ISL2: variants seen among roughly 807,000 people sequenced by gnomAD.
ISL2 encodes the protein ISL LIM homeobox 2, also known as insulin gene enhancer protein ISL-2.
ISL2 carries 17 observed loss-of-function variants against 34.6 expected under a neutral mutation model. The ratio of observed to expected loss-of-function variants is 0.49; its 90% CI spans 0.34 to 0.74. The LOEUF is 0.74. Among genes scored for constraint, ISL2 ranks in the 30% least tolerant of loss-of-function variants. The pLI, the probability that ISL2 is intolerant of heterozygous loss-of-function variation, is 0.01. For synonymous variants in ISL2, 232 were observed against 225.5 expected (o/e 1.03, Z -0.26); for missense variants, 469 against 515.2 (o/e 0.91, Z 0.87).
Position 76,341,141 on chromosome 15 carries a change from A to G in ISL2, c.803A>G (p.Gln268Arg), listed in dbSNP as rs1299245053. ...CTTCTGCTTGCCCCGCAGAGCCTTC[A>G]GGGACTGACTGGGACGCCCCTGGTG... Reference protein sequence around the residue: ...QQQHSDKTSLQGLTGTPLVAG... With the variant: ...QQQHSDKTSLRGLTGTPLVAG... The change falls in exon 5 of 6, where the codon CAG (glutamine) becomes CGG (arginine). Residue 268 changes from glutamine (Q) to arginine (R), a missense_variant. Coordinates refer to ENST00000290759, the MANE Select transcript of ISL2 (RefSeq NM_145805.3). 2 of 1,604,484 alleles carry G rather than the reference A, an allele frequency of 1.2e-6. No individual in the cohort carries two copies. The highest frequency in any genetic ancestry group is 2.2e-5 in the South Asian group (2 of 90,128).
chr15:76,338,644 T>A, intron 3 of ISL2, 130 bp downstream of exon 3: 1 of 1,232,084 alleles, frequency 8.1e-7, no homozygotes, highest in Non-Finnish European at 1.0e-6. Flanking sequence ...AGTGTTTTTC[T>A]GTATCAGTGC....
At chr15:76,339,713 G>T (rs1310193174) in intron 3 of ISL2, 1 of 985,800 alleles carries the variant, frequency 1.0e-6, no homozygotes, top group Non-Finnish European at 1.2e-6. Flanking sequence ...AAGCCCTGGA[G>T]GCCCGTCCAT....
chr15:76,339,731 G>T, intron 3 of ISL2: 2 of 986,600 alleles, frequency 2.0e-6, no homozygotes, highest in Non-Finnish European at 2.4e-6. Context: ...CATAACCGTG[G>T]ATGAGTCTTC....
Position 76,338,027 on chromosome 15 carries a change from G to C in ISL2, c.248+60G>C, listed in dbSNP as rs1327518804. The C allele has an allele frequency of 6.5e-6, 9 of 1,390,554 alleles. No homozygotes were observed. In the Admixed American group the frequency reaches 2.7e-4, roughly 42 times the overall value. 86.1% of individuals were successfully genotyped at this position (1,390,554 alleles called of 1,614,324 possible). On this transcript the variant is annotated intron_variant, in intron 2 of 5. Coordinates refer to ENST00000290759, the MANE Select transcript of ISL2 (RefSeq NM_145805.3). ...GCGCAGGGGCCGGGGCCGGGACTGG[G>C]GATGGCGGCCTGCCCGCGCGCCCCG...
chr15:76,341,226 G>A lies in ISL2; in HGVS notation c.888G>A (p.Thr296=), dbSNP rs769228772. 5.8e-5 allele frequency: 94 copies of A among 1,611,638 alleles called. 1 individual carries two copies. In the Admixed American group the frequency reaches 1.6e-3, roughly 27 times the overall value. ...AGGGCAGCGCAGTGGAGGTGCAGAC[G>A]TACCAGCCGCCGTGGAAGGCGCTCA... The part of the protein sequence containing the change: ...AVQGSAVEVQ[T]YQPPWKALSE... Residue 296 remains threonine (T), a synonymous_variant, in exon 5 of 6, where the codon ACG becomes ACA. Coordinates refer to ENST00000290759, the MANE Select transcript of ISL2 (RefSeq NM_145805.3).
At chr15:76,341,641 G>A (rs1479903478) in intron 5 of ISL2, 78 bp from the exon 6 acceptor site, 2 of 1,132,528 alleles carry the variant, frequency 1.8e-6, no homozygotes, top group South Asian at 2.5e-5. Flanking sequence ...GACACTTTCC[G>A]ACTCGGAGCA....
chr15:76,339,332 G>A, intron 3 of ISL2: 4 of 984,242 alleles, frequency 4.1e-6, no homozygotes, highest in Non-Finnish European at 4.8e-6. Flanking sequence ...GGCTGGATGG[G>A]CTATTTGTAA....
At chr15:76,340,010 C>T in intron 3 of ISL2, 1 of 1,294,518 alleles carries the variant, frequency 7.7e-7, no homozygotes, top group Non-Finnish European at 9.8e-7. Context: ...CCCGCAGCGG[C>T]CTGTCGCCGA....
chr15:76,338,487 C>A lies in ISL2; in HGVS notation c.484C>A (p.Pro162Thr). ...CAGCCCGCGCAGCCCCGGCCCGCTTCCCGGCGCCCGCGGCCTGCATCTGCC... is the reference window on the plus strand; with the variant it reads ...CAGCCCGCGCAGCCCCGGCCCGCTTACCGGCGCCCGCGGCCTGCATCTGCC... ...AGSPRSPGPL[P>T]GARGLHLPDA... Residue 162 changes from proline (P) to threonine (T), a missense_variant, in exon 3 of 6, where the codon CCC becomes ACC. This residue lies in a region of ISL2 where 297 missense variants were observed against 337.8 expected (regional missense o/e 0.88). Coordinates refer to ENST00000290759, the MANE Select transcript of ISL2 (RefSeq NM_145805.3). 7.6e-7 allele frequency: 1 copy of A among 1,321,302 alleles called. No individual in the cohort carries two copies. The highest frequency in any genetic ancestry group is 9.6e-7 in the Non-Finnish European group (1 of 1,043,084). 81.8% of individuals were successfully genotyped at this position (1,321,302 alleles called of 1,614,324 possible).
In ISL2 at chr15:76,338,515, G is replaced by A; in HGVS notation, c.511+1G>A. On this transcript the variant is annotated splice_donor_variant, in intron 3 of 5. Transcript: ENST00000290759. LOFTEE classifies it high-confidence loss of function. ...GGCGCCCGCGGCCTGCATCTGCCCG[G>A]TAAGCGCGCCGGGGCCTGTGCCGGG... 2 of 1,305,684 alleles carry A rather than the reference G, an allele frequency of 1.5e-6. No homozygotes were observed. The highest frequency in any genetic ancestry group is 1.9e-6 in the Non-Finnish European group (2 of 1,032,668). 80.9% of individuals were successfully genotyped at this position (1,305,684 alleles called of 1,614,324 possible). A position where few individuals can be genotyped will look rare whatever the true frequency, so the allele number is the denominator to read the frequency against.
At position 76,338,439 on chromosome 15, in the gene ISL2, C is replaced by T. The variant is rs752420241; in HGVS notation, c.436C>T (p.Leu146=). 2.1e-5 allele frequency: 30 copies of T among 1,458,342 alleles called. No homozygotes were observed. Among genetic ancestry groups the T allele is most frequent in the Admixed American group, 1.5e-4 (6 of 40,702 alleles). 90.3% of individuals were successfully genotyped at this position (1,458,342 alleles called of 1,614,324 possible). Residue 146 remains leucine (L), a synonymous_variant, in exon 3 of 6, where the codon CTG becomes TTG. Transcript: ENST00000290759. ...ELLCRADHGL[L]LERAAAGSPR... ...GCTCTGCCGCGCCGACCACGGCCTC[C>T]TGCTCGAGCGCGCCGCGGCCGGCAG... is the stretch of plus-strand genomic sequence containing the variant.
At chr15:76,339,666 G>T (rs1355153262) in intron 3 of ISL2, 33 of 985,640 alleles carry the variant, frequency 3.3e-5, no homozygotes, top group African/African-American at 7.0e-5. Context: ...AGGAGACAGG[G>T]GCCGAAGCCC....
intron 3 of ISL2, chr15:76,339,182 G>A (rs1266964787): frequency 1.7e-5 from 17 of 985,262 alleles, no homozygotes; most frequent in East Asian, 2.3e-4. Context: ...CTCCACCCCA[G>A]GCAAGGCAGT....
intron 3 of ISL2, chr15:76,338,926 G>A: frequency 1.0e-6 from 1 of 985,442 alleles, no homozygotes; most frequent in Non-Finnish European, 1.2e-6. Flanking sequence ...AAGTAACACA[G>A]CTCCAAACTG....
Position 76,341,746 on chromosome 15 carries a change from G to C in ISL2, c.991G>C (p.Gly331Arg), listed in dbSNP as rs2141584796. 1.2e-6 allele frequency: 2 copies of C among 1,613,948 alleles called. No homozygotes were observed. Among genetic ancestry groups the C allele is most frequent in the Middle Eastern group, 1.6e-4 (1 of 6,062 alleles). ...CTCCTTCTCCGAGTCCGGCTCCCTAGGCAACTCCTCCGGCAGCGACGTGAC... is the reference window on the plus strand; with the variant it reads ...CTCCTTCTCCGAGTCCGGCTCCCTACGCAACTCCTCCGGCAGCGACGTGAC... ...LVSFSESGSL[G>R]NSSGSDVTSL... is the part of the protein sequence containing the mutation. The change falls in exon 6 of 6, where the codon GGC (glycine) becomes CGC (arginine). Residue 331 changes from glycine (G) to arginine (R), a missense_variant. By Grantham distance (125) the Gly-to-Arg change is moderately radical (BLOSUM62 -2). This residue lies in a region of ISL2 where 169 missense variants were observed against 154.2 expected (regional missense o/e 1.10). Transcript: ENST00000290759.
intron 3 of ISL2, chr15:76,338,762 T>G (rs918864188): frequency 1.0e-6 from 1 of 985,336 alleles, no homozygotes; most frequent in Non-Finnish European, 1.2e-6. Context: ...GTGTTCTCCA[T>G]GACCAGGAAC....
chr15:76,340,664 C>T, intron 4 of ISL2, 105 bp downstream of exon 4: 1 of 1,067,330 alleles, frequency 9.4e-7, no homozygotes, highest in South Asian at 1.5e-5. Flanking sequence ...CCAGGGAGAA[C>T]TGGGCGCTCC....
At chr15:76,339,050 G>A (rs2141582203) in intron 3 of ISL2, 1 of 985,372 alleles carries the variant, frequency 1.0e-6, no homozygotes, top group East Asian at 1.1e-4. Flanking sequence ...TCTTCTGGGG[G>A]AGGGGGAGTA....
rs766301433 is a variant in ISL2, at chr15:76,338,239, C to T, written c.249-13C>T. On this transcript the variant is annotated splice_polypyrimidine_tract_variant and intron_variant, in intron 2 of 5. Transcript: ENST00000290759. Reference sequence around the variant, plus strand: ...AGGCCCAGCGCTGACACCGCCGCACCTTGGGCCCGCAGGCTGTTCGGCATC... The same window carrying T: ...AGGCCCAGCGCTGACACCGCCGCACTTTGGGCCCGCAGGCTGTTCGGCATC... The T allele has an allele frequency of 6.5e-7, 1 of 1,546,002 alleles. No homozygotes were observed. The highest frequency in any genetic ancestry group is 1.9e-5 in the Admixed American group (1 of 53,966).
Sources: gnomAD v4.1 joint callset for allele counts on GRCh38, gnomAD v4.1.1 for gene constraint, gnomAD v4.1.1 regional missense constraint, MANE v1.5 for transcripts, NCBI Gene and HGNC (gene_info 2026-07-23, HGNC 2026-07-21) for gene names.